PFKP: variants seen among roughly 807,000 people sequenced by gnomAD.
PFKP encodes the protein ATP-dependent 6-phosphofructokinase, platelet type.
PFKP carries 101 observed loss-of-function variants against 94.3 expected under a neutral mutation model. The ratio of observed to expected loss-of-function variants is 1.07; its 90% CI spans 0.91 to 1.26. The LOEUF (loss-of-function observed/expected upper bound fraction) is 1.26, where lower values mean the gene tolerates loss of function less well. Ranked by LOEUF, PFKP falls within the 50% of genes most tolerant of loss-of-function variation. The pLI, the probability that PFKP is intolerant of heterozygous loss-of-function variation, is 0.00. For missense variants in PFKP, 1,145 were observed against 1,103.3 expected, an observed-to-expected ratio of 1.04 and a Z score of -0.53; for synonymous variants, 573 against 432.6, an observed-to-expected ratio of 1.32 and a Z score of -4.03.
chr10:3,084,693 C>T (rs1161536083), intron 2 of PFKP, among the ~76,000 whole-genome samples: 1 of 95,786 alleles, frequency 1.0e-5, no homozygotes, highest in Non-Finnish European at 2.2e-5. Flanking sequence ...GTCTCCAGCA[C>T]AGTCCTCCAG....
chr10:3,135,757 A>T lies in PFKP; in HGVS notation c.2144A>T (p.Asp715Val). ...RGRGKKFTTD[D>V]SICVLGISKR... ...ATAGGAAAAAAATTTACCACCGATG[A>T]TTCCATTTGTGTGCTGGGAATAAGC... The change falls in exon 21 of 22, where the codon GAT (aspartate) becomes GTT (valine). Residue 715 changes from aspartate (D) to valine (V), a missense_variant. Transcript: ENST00000381125. 6.2e-7 allele frequency: 1 copy of T among 1,611,888 alleles called. No homozygotes were observed. The highest frequency in any genetic ancestry group is 8.5e-7 in the Non-Finnish European group (1 of 1,178,344).
chr10:3,108,224 G>GA (rs1282872358), intron 8 of PFKP, among the ~76,000 whole-genome samples: 14 of 152,206 alleles, frequency 9.2e-5, no homozygotes, highest in Admixed American at 9.2e-4. Flanking sequence ...CTGAGTTCCA[G>GA]AGACAGTCAG....
At chr10:3,090,561 C>T (rs1286373815) in intron 2 of PFKP, among the ~76,000 whole-genome samples, 2 of 152,102 alleles carry the variant, frequency 1.3e-5, no homozygotes, top group Non-Finnish European at 1.5e-5. Context: ...TCAGCCCCCT[C>T]CCCGGCCTGG....
Position 3,082,405 on chromosome 10 carries a change from C to T in PFKP, c.130C>T (p.Arg44Cys), listed in dbSNP as rs765385843. The change falls in exon 2 of 22, where the codon CGT (arginine) becomes TGT (cysteine). Residue 44 changes from arginine to cysteine, a missense_variant. Around this residue, in one of 3 missense-constraint regions of PFKP, gnomAD observed 1,119 missense variants for 1,062.8 expected, o/e 1.05. Transcript: ENST00000381125. ...CACTGCAGGTATGAACGCTGCCGTC[C>T]GTGCCGTGGTGCGCATGGGTATCTA... ...GDAQGMNAAV[R>C]AVVRMGIYVG... is the part of the protein sequence containing the mutation. The T allele has an allele frequency of 1.2e-5, 19 of 1,605,396 alleles. No homozygotes were observed. The highest frequency in any genetic ancestry group is 6.7e-5 in the Admixed American group (4 of 59,574).
At chr10:3,088,862 A>G (rs566107116) in intron 2 of PFKP, among the ~76,000 whole-genome samples, 1 of 149,932 alleles carries the variant, frequency 6.7e-6, no homozygotes, top group Non-Finnish European at 1.5e-5. Flanking sequence ...TCTCGTCTCT[A>G]TGAGATCAAC....
rs1451430453 is a variant in PFKP at position 3,130,109 on chromosome 10, C to T, written c.1848+126C>T. The T allele has an allele frequency of 1.1e-5, 9 of 811,648 alleles. No individual in the cohort carries two copies. In the East Asian group the frequency reaches 2.0e-4, roughly 18 times the overall value. 50.3% of individuals were successfully genotyped at this position (811,648 alleles called of 1,614,324 possible). ...GGAGATGGAGATGCTACAGAACATG[C>T]CACGCTTGATACACTTCGCATCGCC... On this transcript the variant is annotated intron_variant, in intron 17 of 21. Transcript: ENST00000381125.
chr10:3,084,674 G>A (rs1259115230), intron 2 of PFKP, among the ~76,000 whole-genome samples: 1 of 143,464 alleles, frequency 7.0e-6, no homozygotes, highest in East Asian at 2.2e-4. Context: ...AATGAGCACA[G>A]TAGACGCGGT....
At chr10:3,135,187 A>AC (rs1839098179) in intron 20 of PFKP, among the ~76,000 whole-genome samples, 1 of 150,762 alleles carries the variant, frequency 6.6e-6, no homozygotes, top group Non-Finnish European at 1.5e-5. Flanking sequence ...CATCTTTCTC[A>AC]CCCCCACCCC....
At chr10:3,122,283 G>C (rs1436569437) in intron 16 of PFKP, among the ~76,000 whole-genome samples, 1 of 152,156 alleles carries the variant, frequency 6.6e-6, no homozygotes, top group Non-Finnish European at 1.5e-5. Flanking sequence ...GAGTGCGGTG[G>C]TTCTAGTCTC....
chr10:3,127,965 G>T (rs1838137168), intron 16 of PFKP, among the ~76,000 whole-genome samples: 1 of 152,162 alleles, frequency 6.6e-6, no homozygotes, highest in Admixed American at 6.5e-5. Flanking sequence ...TTTCCCAATG[G>T]GTGTTAAACT....
At chr10:3,106,053 C>T (rs1178329517) in intron 7 of PFKP, among the ~76,000 whole-genome samples, 1 of 152,224 alleles carries the variant, frequency 6.6e-6, no homozygotes, top group Admixed American at 6.5e-5. Context: ...GGCCCTGTGT[C>T]CGCTCACGCC....
Position 3,135,320 on chromosome 10 carries a change from T to TG in PFKP, c.2123-413dup, listed in dbSNP as rs1425052418. Among the ~76,000 whole-genome samples, 11 of 152,226 alleles carry TG rather than the reference T, an allele frequency of 7.2e-5. No homozygotes were observed. The East Asian group carries it at 1.9e-3, about 27-fold the overall frequency. ...AAACCAGTGATGTGAATAGTTTCAA[T>TG]GGGTTTGTCTTTTTGAAGAACTGAC... is the stretch of plus-strand genomic sequence containing the variant. On this transcript the variant is annotated intron_variant, in intron 20 of 21. Transcript: ENST00000381125.
intron 3 of PFKP, chr10:3,100,989 C>T (rs1200739241): frequency 1.9e-6 from 3 of 1,612,152 alleles, no homozygotes; most frequent in East Asian, 2.2e-5. Flanking sequence ...TCCTGGCCGG[C>T]ATGCTCTGGT....
Position 3,067,664 on chromosome 10 carries a change from CG to C in PFKP, c.71del (p.Gly24AlafsTer7). 2 of 1,533,382 alleles carry C rather than the reference CG, an allele frequency of 1.3e-6. No individual in the cohort carries two copies. The highest frequency in any genetic ancestry group is 2.6e-5 in the East Asian group (1 of 38,484). 95.0% of individuals were successfully genotyped at this position (1,533,382 alleles called of 1,614,324 possible). ...AGTTCCTGGAGCACCTCTCCGGGGC[CG>C]GCAAGGCCATCGGCGTGCTGACCAG... ...RKFLEHLSGAGKAIGVLTSGG... is the reference protein window; with the variant it reads ...RKFLEHLSGAXKAIGVLTSGG... On this transcript the variant is annotated frameshift_variant, in exon 1 of 22. Coordinates refer to ENST00000381125, the MANE Select transcript of PFKP (RefSeq NM_002627.5). LOFTEE classifies it high-confidence loss of function.
intron 16 of PFKP, among the ~76,000 whole-genome samples, chr10:3,128,047 G>A (rs1411115420): frequency 6.6e-6 from 1 of 152,196 alleles, no homozygotes; most frequent in Non-Finnish European, 1.5e-5. Context: ...ACTCTTGGCT[G>A]AGTCCCATGG....
At chr10:3,070,457 G>A (rs528543081) in intron 1 of PFKP, 10 of 152,272 alleles carry the variant, frequency 6.6e-5, no homozygotes, top group African/African-American at 2.2e-4. Flanking sequence ...TCACATTCAC[G>A]TATTAATTTC....
chr10:3,132,551 T>C (rs1195384313), intron 18 of PFKP, 110 bp downstream of exon 18: 2 of 761,602 alleles, frequency 2.6e-6, no homozygotes, highest in Non-Finnish European at 4.7e-6. Flanking sequence ...GCCGCTAGAG[T>C]GCACTACACA....
rs374945177 is a variant in PFKP, at chr10:3,091,389, G to T, written c.187-7886G>T. On this transcript the variant is annotated intron_variant, in intron 2 of 21. Coordinates refer to ENST00000381125, the MANE Select transcript of PFKP (RefSeq NM_002627.5). ...CGAGTCAGTTGGTTAATCCAGGGCT[G>T]CCACTGTGTCTGCAGGAAACAGTCG... Among the ~76,000 whole-genome samples, 39 of 152,222 alleles carry T rather than the reference G, an allele frequency of 2.6e-4. No homozygotes were observed. The East Asian group carries it at 7.5e-3, about 29-fold the overall frequency.
chr10:3,129,801 T>C lies in PFKP; in HGVS notation c.1684-18T>C, dbSNP rs1203247669. On this transcript the variant is annotated intron_variant, in intron 16 of 21. Coordinates refer to ENST00000381125, the MANE Select transcript of PFKP (RefSeq NM_002627.5). ...CCCGGGCCTGGGCTGGAGTGACTGA[T>C]CGCTTCTCTGTGACCAGACCTGCGA... 1.2e-6 allele frequency: 2 copies of C among 1,612,526 alleles called. No individual in the cohort carries two copies. Among genetic ancestry groups the C allele is most frequent in the Non-Finnish European group, 1.7e-6 (2 of 1,179,706 alleles).
Sources: gnomAD v4.1 joint callset for allele counts (sites outside exome capture counted in the v4.1 genomes callset) on GRCh38, gnomAD v4.1.1 for gene constraint, gnomAD v4.1.1 regional missense constraint, MANE v1.5 for transcripts, NCBI Gene and HGNC (gene_info 2026-07-23, HGNC 2026-07-21) for gene names.